The following RNF32 variants were observed in gnomAD, a reference collection of about 807,000 sequenced individuals.
RNF32 encodes ring finger protein 32.
In RNF32, 36 loss-of-function variants were observed where a neutral mutation model predicts 41.0. The ratio of observed to expected loss-of-function variants is 0.88; its 90% confidence interval spans 0.67 to 1.16. RNF32 has a LOEUF of 1.16. Ranked by LOEUF, RNF32 falls within the 50% of genes most tolerant of loss-of-function variation. The probability of loss-of-function intolerance (pLI) is 0.00; values close to 1 mark genes in which losing one functional copy is unlikely to be tolerated. For missense variants in RNF32, 413 were observed against 436.7 expected, an observed-to-expected ratio of 0.95 and a Z score of 0.48; for synonymous variants, 154 against 160.9, an observed-to-expected ratio of 0.96 and a Z score of 0.32.
rs1392825485 is a variant in RNF32, at chr7:156,672,402, C to G, written c.685-3294C>G. ...AGATAGGACCTGTATGCCACAGTGA[C>G]TGAGGCAGAAGGAGGCAATAGGTGA... On this transcript the variant is annotated intron_variant, in intron 7 of 8. Transcript: ENST00000317955. 3.3e-5 allele frequency among the ~76,000 whole-genome samples: 5 copies of G among 152,152 alleles called. No individual in the cohort carries two copies. The South Asian group carries it at 6.2e-4, about 19-fold the overall frequency.
chr7:156,658,660 TGA>T, intron 7 of RNF32, 90 bp downstream of exon 7: 1 of 874,334 alleles, frequency 1.1e-6, no homozygotes, highest in Non-Finnish European at 1.8e-6. Flanking sequence ...GGTAAAACTT[TGA>T]GACTTACTTC....
At chr7:156,646,841 T>C (rs911419257) in intron 3 of RNF32, among the ~76,000 whole-genome samples, 7 of 152,208 alleles carry the variant, frequency 4.6e-5, no homozygotes, top group Non-Finnish European at 8.8e-5. Context: ...AAAACTCATG[T>C]TGAAATTTCA....
upstream of RNF32, chr7:156,640,522 C>G (rs889979244): frequency 2.7e-4 from 96 of 361,696 alleles, no homozygotes; most frequent in Non-Finnish European, 3.3e-4. Flanking sequence ...GCGCGAGCCT[C>G]GACGGGAACG....
intron 3 of RNF32, among the ~76,000 whole-genome samples, chr7:156,650,447 CG>C (rs1798567645): frequency 1.3e-5 from 2 of 152,178 alleles, no homozygotes; most frequent in Admixed American, 1.3e-4. Context: ...TCCACTGACG[CG>C]CAGTGGGGTT....
In RNF32 at chr7:156,669,094, T is replaced by A. The variant is rs1801862148; in HGVS notation, c.685-6602T>A. 6.6e-6 allele frequency: 1 copy of A among 152,218 alleles called. No homozygotes were observed. Among genetic ancestry groups the A allele is most frequent in the South Asian group, 2.1e-4 (1 of 4,832 alleles). 9.4% of individuals were successfully genotyped at this position (152,218 alleles called of 1,614,324 possible). A position where few individuals can be genotyped will look rare whatever the true frequency, so the allele number is the denominator to read the frequency against. On this transcript the variant is annotated intron_variant, in intron 7 of 8. Coordinates refer to ENST00000317955, the MANE Select transcript of RNF32 (RefSeq NM_030936.4). This position sits in a 1 kb window ranked among gnomAD's most constrained non-coding sequence, Gnocchi z 4.2. Reference sequence around the variant, plus strand: ...AACTGCATGAAAAGTCTATGCGAACTGCTTTCATGGACTGGCACTTGGAGT... The same window carrying A: ...AACTGCATGAAAAGTCTATGCGAACAGCTTTCATGGACTGGCACTTGGAGT...
intron 3 of RNF32, chr7:156,646,414 T>C: frequency 1.5e-6 from 2 of 1,303,764 alleles, no homozygotes; most frequent in Non-Finnish European, 2.0e-6. Flanking sequence ...AACCTTCTTC[T>C]CTAGGTGTGA....
intron 3 of RNF32, among the ~76,000 whole-genome samples, chr7:156,651,744 C>T (rs1798768120): frequency 6.6e-6 from 1 of 152,142 alleles, no homozygotes; most frequent in Non-Finnish European, 1.5e-5. Context: ...TTCTATTCTA[C>T]CTGAAGTTCT....
At chr7:156,666,575 GGTAA>G (rs1288488287) in intron 7 of RNF32, among the ~76,000 whole-genome samples, 4 of 152,172 alleles carry the variant, frequency 2.6e-5, no homozygotes, top group Non-Finnish European at 4.4e-5. Flanking sequence ...TGTACCCTTA[GGTAA>G]GTGTCAGAGA....
chr7:156,654,826 C>T, intron 4 of RNF32, 108 bp downstream of exon 4: 2 of 984,164 alleles, frequency 2.0e-6, no homozygotes, highest in South Asian at 1.7e-5. Flanking sequence ...GTTTCATCCT[C>T]CTGTGTGAGC....
chr7:156,659,299 T>C (rs1800236423), intron 7 of RNF32: 1 of 1,000,276 alleles, frequency 1.0e-6, no homozygotes, highest in Non-Finnish European at 1.2e-6. Context: ...CTGTATTTAT[T>C]ATCACTATTA....
rs568800161 is a variant in RNF32 at position 156,669,631 on chromosome 7, G to A, written c.685-6065G>A. 3.9e-5 allele frequency among the ~76,000 whole-genome samples: 6 copies of A among 152,300 alleles called. No individual in the cohort carries two copies. In the South Asian group the frequency reaches 1.2e-3, roughly 32 times the overall value. ...GTCATTTTCAAGAGGGCGACCCACA[G>A]CCACGTGAACACTGGAAACTGCCCT... On this transcript the variant is annotated intron_variant, in intron 7 of 8. Transcript: ENST00000317955. The surrounding 1 kb of genome is among the most constrained non-coding windows in gnomAD (Gnocchi z 4.2).
At chr7:156,664,322 G>T (rs533882542) in intron 7 of RNF32, among the ~76,000 whole-genome samples, 214 of 152,240 alleles carry the variant, frequency 1.4e-3, no homozygotes, top group African/African-American at 5.0e-3. Context: ...TTAGCCGGGC[G>T]TGGTGGCGCA....
chr7:156,648,871 TG>T (rs1408955772), intron 3 of RNF32, among the ~76,000 whole-genome samples: 5 of 152,362 alleles, frequency 3.3e-5, no homozygotes, highest in Non-Finnish European at 7.3e-5. Flanking sequence ...TGTTTTGTTT[TG>T]TTTTTTTCAC....
chr7:156,642,410 G>A (rs1467866062), intron 1 of RNF32, among the ~76,000 whole-genome samples: 1 of 152,128 alleles, frequency 6.6e-6, no homozygotes, highest in Non-Finnish European at 1.5e-5. Flanking sequence ...GTTGTGGAGG[G>A]GCTGTGTTAA....
chr7:156,673,052 C>T (rs983360976), intron 7 of RNF32, among the ~76,000 whole-genome samples: 1 of 152,172 alleles, frequency 6.6e-6, no homozygotes, highest in Non-Finnish European at 1.5e-5. Flanking sequence ...GCTGAGGCTG[C>T]GGGGTCTGGG....
At chr7:156,671,233 T>C (rs2131647988) in intron 7 of RNF32, among the ~76,000 whole-genome samples, 1 of 152,288 alleles carries the variant, frequency 6.6e-6, no homozygotes, top group East Asian at 1.9e-4. Flanking sequence ...GGTGCACCGT[T>C]TGTCTGTCAG....
rs2131635219 is a variant in RNF32, at chr7:156,670,447, G to A, written c.685-5249G>A. ...TCACTGTCAGAATTTGAAGAGAAAA[G>A]AGAACACGTGGGACAGAGGCAACAG... On this transcript the variant is annotated intron_variant, in intron 7 of 8. Transcript: ENST00000317955. This position sits in a 1 kb window ranked among gnomAD's most constrained non-coding sequence, Gnocchi z 4.3. Among the ~76,000 whole-genome samples the A allele has an allele frequency of 6.6e-6, 1 of 152,352 alleles. No individual in the cohort carries two copies. The highest frequency in any genetic ancestry group is 2.1e-4 in the South Asian group (1 of 4,826).
intron 5 of RNF32, 60 bp from the exon 6 acceptor site, chr7:156,658,068 G>T (rs1313225018): frequency 6.6e-7 from 1 of 1,509,826 alleles, no homozygotes; most frequent in African/African-American, 1.4e-5. Flanking sequence ...AACATTGGAA[G>T]TAAAAACGTT....
Position 156,664,521 on chromosome 7 carries a change from G to C in RNF32, c.684+5951G>C, listed in dbSNP as rs183954951. Among the ~76,000 whole-genome samples, 6 of 152,148 alleles carry C rather than the reference G, an allele frequency of 3.9e-5. No homozygotes were observed. The East Asian group carries it at 1.2e-3, about 29-fold the overall frequency. ...AGCACACTAGGTGGTAATTTGTCCT[G>C]GTTGACAAGGCAAAATGATCATCTT... On this transcript the variant is annotated intron_variant, in intron 7 of 8. Coordinates refer to ENST00000317955, the MANE Select transcript of RNF32 (RefSeq NM_030936.4).
Sources: gnomAD v4.1 joint callset for allele counts (sites outside exome capture counted in the v4.1 genomes callset) on GRCh38, gnomAD v4.1.1 for gene constraint, Gnocchi (gnomAD v3.1) non-coding constraint, MANE v1.5 for transcripts, NCBI Gene and HGNC (gene_info 2026-07-23, HGNC 2026-07-21) for gene names.